Variants in KIAA0930 observed in about 807,000 individuals in gnomAD.
KIAA0930 encodes the protein KIAA0930.
Under a neutral mutation model 43.9 loss-of-function variants are expected in KIAA0930, and 24 were observed. That is an observed-to-expected ratio of 0.55 (90% CI 0.40 to 0.77). The LOEUF (loss-of-function observed/expected upper bound fraction) is 0.77, where lower values mean the gene tolerates loss of function less well. KIAA0930 is among the 30% of genes least tolerant of loss of function. KIAA0930 has a pLI of 0.00. For synonymous variants in KIAA0930, 259 were observed against 216.4 expected, an observed-to-expected ratio of 1.20 and a Z score of -1.73; for missense variants, 461 against 574.2, an observed-to-expected ratio of 0.80 and a Z score of 2.02.
intron 7 of KIAA0930, among the ~76,000 whole-genome samples, chr22:45,200,455 G>C (rs1260263762): frequency 6.6e-6 from 1 of 152,138 alleles, no homozygotes; most frequent in Non-Finnish European, 1.5e-5. Flanking sequence ...TGACACATGG[G>C]GAAACTAAGG....
intron 1 of KIAA0930, among the ~76,000 whole-genome samples, chr22:45,215,970 G>A (rs1192034407): frequency 6.6e-6 from 1 of 152,072 alleles, no homozygotes; most frequent in Admixed American, 6.5e-5. Flanking sequence ...GGAGCCTGCA[G>A]TGAGCCGAGA....
chr22:45,214,698 C>A (rs370416931), intron 1 of KIAA0930, among the ~76,000 whole-genome samples: 2 of 151,854 alleles, frequency 1.3e-5, no homozygotes, highest in African/African-American at 4.8e-5. Context: ...TGCTTTAGGC[C>A]AGGAGTTCAA....
chr22:45,216,606 A>G (rs922919276), intron 1 of KIAA0930, among the ~76,000 whole-genome samples: 14 of 151,818 alleles, frequency 9.2e-5, no homozygotes, highest in Non-Finnish European at 1.8e-4. Flanking sequence ...CCACAAGCAA[A>G]CCCCTTCTCC....
In KIAA0930 at chr22:45,196,067, G is replaced by C. The variant is rs1270576826; in HGVS notation, c.*1109C>G. On this transcript the variant is annotated 3_prime_UTR_variant, in exon 10 of 10. Coordinates refer to ENST00000336156, the MANE Select transcript of KIAA0930 (RefSeq NM_001009880.2). This position sits in a 1 kb window ranked among gnomAD's most constrained non-coding sequence, Gnocchi z 4.1. The stretch of plus-strand genomic sequence containing the variant: ...CAGCTTCCAGTTTATTCCCAGTTGG[G>C]TAGGGGACAGGCCTGCTCTCGGGGA... 3 of 152,170 alleles carry C rather than the reference G, an allele frequency of 2.0e-5. No individual in the cohort carries two copies. The highest frequency in any genetic ancestry group is 4.4e-5 in the Non-Finnish European group (3 of 68,104). The allele number at this position is 152,170 out of a possible 1,614,324, so 9.4% of individuals were successfully genotyped here. A position where few individuals can be genotyped will look rare whatever the true frequency, so the allele number is the denominator to read the frequency against.
At position 45,206,527 on chromosome 22, in the gene KIAA0930, G is replaced by A. The variant is rs185204590; in HGVS notation, c.217-615C>T. 3.9e-5 allele frequency among the ~76,000 whole-genome samples: 6 copies of A among 152,318 alleles called. No homozygotes were observed. The East Asian group carries it at 1.2e-3, about 29-fold the overall frequency. On this transcript the variant is annotated intron_variant, in intron 2 of 9. Coordinates refer to ENST00000336156, the MANE Select transcript of KIAA0930 (RefSeq NM_001009880.2). ...CCTACTGAGCTCTTAGTGGACGGCGGGGTCTGGGCTACACATTTTACAAAT... is the reference window on the plus strand; with the variant it reads ...CCTACTGAGCTCTTAGTGGACGGCGAGGTCTGGGCTACACATTTTACAAAT...
intron 2 of KIAA0930, among the ~76,000 whole-genome samples, chr22:45,206,895 C>A (rs1487456697): frequency 6.6e-6 from 1 of 152,024 alleles, no homozygotes; most frequent in African/African-American, 2.4e-5. Context: ...GACAGGATTT[C>A]ACCATGTTGG....
intron 1 of KIAA0930, chr22:45,212,523 ACCCCC>A (rs1223590474): frequency 7.2e-7 from 1 of 1,398,268 alleles, no homozygotes; most frequent in African/African-American, 1.5e-5. Flanking sequence ...AACATCTCTC[ACCCCC>A]ACCCACTCCC....
chr22:45,220,392 T>G (rs1360697677), intron 1 of KIAA0930, among the ~76,000 whole-genome samples: 1 of 151,722 alleles, frequency 6.6e-6, no homozygotes, highest in Non-Finnish European at 1.5e-5. Context: ...GAGGCGGAGG[T>G]TGCAGTGATC....
rs1284023003 is a variant in KIAA0930 at position 45,193,479 on chromosome 22, TTTATGA to T, written c.*3691_*3696del. On this transcript the variant is annotated 3_prime_UTR_variant, in exon 10 of 10. Coordinates refer to ENST00000336156, the MANE Select transcript of KIAA0930 (RefSeq NM_001009880.2). ...CAAAAGTCTTCTACTAACTAGTCTA[TTTATGA>T]TTAAAACAGCAAAAACAGATCCTGG... 5.3e-5 allele frequency: 8 copies of T among 152,194 alleles called. No homozygotes were observed. Among genetic ancestry groups the T allele is most frequent in the Non-Finnish European group, 1.0e-4 (7 of 68,048 alleles). The allele number at this position is 152,194 out of a possible 1,614,324, so 9.4% of individuals were successfully genotyped here. A position where few individuals can be genotyped will look rare whatever the true frequency, so the allele number is the denominator to read the frequency against.
At chr22:45,239,433 A>G (rs1338151427) in intron 1 of KIAA0930, among the ~76,000 whole-genome samples, 1 of 152,096 alleles carries the variant, frequency 6.6e-6, no homozygotes, top group Admixed American at 6.5e-5. Context: ...TTCACTTCAT[A>G]AGCACCCCCC....
rs141688542 is a variant in KIAA0930, at chr22:45,234,650, A to C, written c.64+5990T>G. Reference sequence around the variant, plus strand: ...GCTTAAAGACATAATCCAAATACAGACACCTTTGCACGTATAAAAAGCTTT... The same window carrying C: ...GCTTAAAGACATAATCCAAATACAGCCACCTTTGCACGTATAAAAAGCTTT... On this transcript the variant is annotated intron_variant, in intron 1 of 9. Coordinates refer to ENST00000336156, the MANE Select transcript of KIAA0930 (RefSeq NM_001009880.2). Among the ~76,000 whole-genome samples, 589 of 152,314 alleles carry C rather than the reference A, an allele frequency of 3.9e-3. 5 individuals are homozygous for C. The highest frequency in any genetic ancestry group is 0.014 in the African/African-American group (567 of 41,552).
chr22:45,221,552 C>G (rs915071310), intron 1 of KIAA0930, among the ~76,000 whole-genome samples: 1 of 152,082 alleles, frequency 6.6e-6, no homozygotes, highest in Non-Finnish European at 1.5e-5. Flanking sequence ...TCATTTTGTT[C>G]AATGCTATAC....
intron 1 of KIAA0930, among the ~76,000 whole-genome samples, chr22:45,227,843 G>A (rs1030058971): frequency 6.6e-6 from 1 of 152,196 alleles, no homozygotes; most frequent in Admixed American, 6.5e-5. Flanking sequence ...CGGCTGGGGC[G>A]GATCCATCGG....
At chr22:45,227,455 C>T (rs1283158242) in intron 1 of KIAA0930, among the ~76,000 whole-genome samples, 1 of 152,188 alleles carries the variant, frequency 6.6e-6, no homozygotes, top group Non-Finnish European at 1.5e-5. Context: ...GAACATCCTT[C>T]TCTGGAGAAA....
rs115648184 is a variant in KIAA0930, at chr22:45,228,016, G to A, written c.64+12624C>T. On this transcript the variant is annotated intron_variant, in intron 1 of 9. Coordinates refer to ENST00000336156, the MANE Select transcript of KIAA0930 (RefSeq NM_001009880.2). ...TCAGGGATGGCCCAGGTCAGCACCG[G>A]CCAATGCAGACAATCCGTGGGCTGG... Among the ~76,000 whole-genome samples, 552 of 152,308 alleles carry A rather than the reference G, an allele frequency of 3.6e-3. 5 individuals are homozygous for A. Among genetic ancestry groups the A allele is most frequent in the African/African-American group, 0.013 (530 of 41,564 alleles).
intron 1 of KIAA0930, among the ~76,000 whole-genome samples, chr22:45,214,886 G>A (rs770852529): frequency 6.6e-6 from 1 of 152,108 alleles, no homozygotes; most frequent in Non-Finnish European, 1.5e-5. Context: ...TCCTGCCTGG[G>A]GGACAAAGTG....
chr22:45,214,275 G>A (rs1601818199), intron 1 of KIAA0930, among the ~76,000 whole-genome samples: 1 of 152,272 alleles, frequency 6.6e-6, no homozygotes, highest in African/African-American at 2.4e-5. Context: ...CCACTCCTAG[G>A]TACCTGCCCA....
intron 1 of KIAA0930, among the ~76,000 whole-genome samples, chr22:45,217,848 C>A (rs891519278): frequency 2.7e-5 from 3 of 110,238 alleles, no homozygotes; most frequent in Non-Finnish European, 5.6e-5. Context: ...CCAGCTGTCT[C>A]CCCTGCCTCA....
intron 1 of KIAA0930, among the ~76,000 whole-genome samples, 159 bp downstream of exon 1, chr22:45,240,481 G>C (rs549752319): frequency 3.3e-5 from 5 of 152,220 alleles, no homozygotes; most frequent in South Asian, 2.1e-4. Context: ...CGGTGGGGGG[G>C]GGGCCATGGA....
Sources: allele counts gnomAD v4.1 joint callset (sites outside exome capture counted in the v4.1 genomes callset), GRCh38; gene constraint gnomAD v4.1.1; non-coding constraint Gnocchi (gnomAD v3.1); transcripts MANE v1.5; gene names NCBI Gene and HGNC (gene_info 2026-07-23, HGNC 2026-07-21).